Variants in TLE3 observed in about 807,000 individuals in gnomAD.
TLE3 encodes the protein transducin-like enhancer protein 3.
In TLE3, 14 loss-of-function variants were observed where a neutral mutation model predicts 93.0. The ratio of observed to expected loss-of-function variants is 0.15; its 90% confidence interval spans 0.10 to 0.24. The LOEUF is 0.24. TLE3 is among the 10% of genes least tolerant of loss of function. TLE3 has a pLI of 1.00. For missense variants in TLE3, 693 were observed against 1,046.6 expected (o/e 0.66, Z 4.66); for synonymous variants, 451 against 425.0 (o/e 1.06, Z -0.75).
chr15:70,065,849 G>A (rs1393612418), intron 7 of TLE3, 165 bp downstream of exon 7: 11 of 698,504 alleles, frequency 1.6e-5, no homozygotes, highest in Middle Eastern at 4.0e-4. Flanking sequence ...CATGGGATGC[G>A]GATGGCATTG....
Position 70,074,626 on chromosome 15 carries a change from G to A in TLE3, c.298-19C>T. 1.3e-6 allele frequency: 2 copies of A among 1,597,272 alleles called. No homozygotes were observed. Among genetic ancestry groups the A allele is most frequent in the South Asian group, 2.2e-5 (2 of 88,984 alleles). On this transcript the variant is annotated intron_variant, in intron 5 of 19. Coordinates refer to ENST00000451782, the MANE Select transcript of TLE3 (RefSeq NM_001105192.3). ...GCTGGTGCTGGAGGGAAGAGGGTGT[G>A]CGTTAGATGCAGCCACTTTCCTGGA...
In TLE3 at chr15:70,060,535, G is replaced by A; in HGVS notation, c.709C>T (p.Arg237Ter). 1 of 1,613,826 alleles carries A rather than the reference G, an allele frequency of 6.2e-7. No individual in the cohort carries two copies. The highest frequency in any genetic ancestry group is 8.5e-7 in the Non-Finnish European group (1 of 1,179,834). ...RKAEEKDSLS[R>*]YDSDGDKSDD... ...CCATGGCGCCTTGGACGTACGTATC[G>A]GCTCAAGCTGTCCTTCTCCTCCGCC... Residue 237 changes from arginine to a stop codon, truncating the protein, a stop_gained, in exon 9 of 20, where the codon CGA (arginine) becomes TGA (stop). Transcript: ENST00000451782. LOFTEE classifies it high-confidence loss of function.
chr15:70,078,454 C>G lies in TLE3; in HGVS notation c.235-2296G>C, dbSNP rs561730940. Among the ~76,000 whole-genome samples, 19 of 152,384 alleles carry G rather than the reference C, an allele frequency of 1.2e-4. No homozygotes were observed. The East Asian group carries it at 3.1e-3, about 25-fold the overall frequency. On this transcript the variant is annotated intron_variant, in intron 4 of 19. Coordinates refer to ENST00000451782, the MANE Select transcript of TLE3 (RefSeq NM_001105192.3). ...TTTAGGAAGCTCACAGGTCCAAGGC[C>G]TGTTATCTTAAACAACAATAGAGCA...
rs551018142 is a variant in TLE3 at position 70,079,862 on chromosome 15, GATGCCCAGCC to G, written c.235-3714_235-3705del. 8.2e-4 allele frequency among the ~76,000 whole-genome samples: 125 copies of G among 152,174 alleles called. 4 individuals carry two copies. The East Asian group carries it at 0.023, about 28-fold the overall frequency. ...TCTCCACTTTTCAGATGGGGAAACT[GATGCCCAGCC>G]ATTAAGTGATTTCACTAAATGACTT... On this transcript the variant is annotated intron_variant, in intron 4 of 19. Transcript: ENST00000451782.
At chr15:70,070,442 G>A (rs118133167) in intron 6 of TLE3, among the ~76,000 whole-genome samples, 1,969 of 152,242 alleles carry the variant, frequency 0.013, 11 homozygotes, top group Middle Eastern at 0.041. Flanking sequence ...GCCAAGACCC[G>A]CCAAGGGCTC....
intron 19 of TLE3, 44 bp downstream of exon 19, chr15:70,051,347 A>G: frequency 6.5e-7 from 1 of 1,539,684 alleles, no homozygotes; most frequent in Non-Finnish European, 8.8e-7. Flanking sequence ...CCAAGTTTCA[A>G]CTCTGGGTAG....
rs1390562330 is a variant in TLE3 at position 70,049,022 on chromosome 15, C to T, written c.*1075G>A. On this transcript the variant is annotated 3_prime_UTR_variant, in exon 20 of 20. Transcript: ENST00000451782. ...CAAATTAAAAAAAAAAAAAAAGCAC[C>T]CACATCAGTTGCTATTTTTCTCTGG... is the stretch of plus-strand genomic sequence containing the variant. 1 of 151,154 alleles carries T rather than the reference C, an allele frequency of 6.6e-6. No homozygotes were observed. The highest frequency in any genetic ancestry group is 2.4e-5 in the African/African-American group (1 of 41,180). The allele number at this position is 151,154 out of a possible 1,614,324, so 9.4% of individuals were successfully genotyped here.
chr15:70,060,854 G>A (rs1036137102), intron 8 of TLE3: 3 of 712,646 alleles, frequency 4.2e-6, no homozygotes, highest in South Asian at 1.5e-5. Flanking sequence ...CCGGGGAGAT[G>A]CCCTGGGCGC....
In TLE3 at chr15:70,053,392, G is replaced by A; in HGVS notation, c.1827-18C>T. ...GGAACTGCCTACGAAAGCCAAGCAG[G>A]GAGGAGGGTGAGTCCCGGGAACCAC... On this transcript the variant is annotated intron_variant, in intron 16 of 19. Transcript: ENST00000451782. 6.3e-7 allele frequency: 1 copy of A among 1,589,554 alleles called. No individual in the cohort carries two copies. Among genetic ancestry groups the A allele is most frequent in the Non-Finnish European group, 8.6e-7 (1 of 1,163,312 alleles).
At chr15:70,091,855 A>G (rs575148160) in intron 4 of TLE3, among the ~76,000 whole-genome samples, 2 of 152,286 alleles carry the variant, frequency 1.3e-5, no homozygotes, top group South Asian at 4.1e-4. Flanking sequence ...TAAAAAAAAT[A>G]TGTGGTGGTG....
In TLE3 at chr15:70,058,691, G is replaced by T; in HGVS notation, c.890C>A (p.Pro297His). Residue 297 changes from proline (P) to histidine (H), a missense_variant, in exon 11 of 20, where the codon CCT becomes CAT. Around this residue, in one of 4 missense-constraint regions of TLE3, gnomAD observed 405 missense variants for 468.9 expected, o/e 0.86. Coordinates refer to ENST00000451782, the MANE Select transcript of TLE3 (RefSeq NM_001105192.3). The surrounding 1 kb of genome is among the most constrained non-coding windows in gnomAD (Gnocchi z 4.1). ...PASVASSSST[P>H]SSKTKDLGHN... is the part of the protein sequence containing the mutation. ...ACCAAGGTCTTTGGTCTTGGAGGAA[G>T]GTGTGCTACTGGAAGAGGCCACCGA... The T allele has an allele frequency of 6.2e-7, 1 of 1,606,834 alleles. No individual in the cohort carries two copies. Among genetic ancestry groups the T allele is most frequent in the Non-Finnish European group, 8.5e-7 (1 of 1,176,670 alleles).
Position 70,097,568 on chromosome 15 carries a change from C to G in TLE3, c.-770G>C, listed in dbSNP as rs2058620647. 2.5e-6 allele frequency: 1 copy of G among 399,268 alleles called. No individual in the cohort carries two copies. The highest frequency in any genetic ancestry group is 4.4e-5 in the Admixed American group (1 of 22,720). 24.7% of individuals were successfully genotyped at this position (399,268 alleles called of 1,614,324 possible). A position where few individuals can be genotyped will look rare whatever the true frequency, so the allele number is the denominator to read the frequency against. ...TAAGTCCAGCGGGCACGGGAAGCCTCCGCAAAGGGTTCTCGCTGCTCCCAG... is the reference window on the plus strand; with the variant it reads ...TAAGTCCAGCGGGCACGGGAAGCCTGCGCAAAGGGTTCTCGCTGCTCCCAG... On this transcript the variant is annotated 5_prime_UTR_variant, in exon 1 of 20. Coordinates refer to ENST00000451782, the MANE Select transcript of TLE3 (RefSeq NM_001105192.3).
rs535319786 is a variant in TLE3 at position 70,089,100 on chromosome 15, C to T, written c.234+5432G>A. On this transcript the variant is annotated intron_variant, in intron 4 of 19. Transcript: ENST00000451782. Reference sequence around the variant, plus strand: ...GACGTGTGGCTTCTAGAACATATCTCACTGCCTTGCCGCGAGCTGTTGCCA... The same window carrying T: ...GACGTGTGGCTTCTAGAACATATCTTACTGCCTTGCCGCGAGCTGTTGCCA... 3.9e-5 allele frequency among the ~76,000 whole-genome samples: 6 copies of T among 152,370 alleles called. No homozygotes were observed. In the East Asian group the frequency reaches 1.2e-3, roughly 29 times the overall value.
rs566164732 is a variant in TLE3 at position 70,096,688 on chromosome 15, C to G, written c.24+87G>C. The G allele has an allele frequency of 4.8e-5, 76 of 1,573,222 alleles. 1 individual carries two copies. The African/African-American group carries it at 9.2e-4, about 19-fold the overall frequency. On this transcript the variant is annotated intron_variant, in intron 1 of 19. Coordinates refer to ENST00000451782, the MANE Select transcript of TLE3 (RefSeq NM_001105192.3). ...ACAAACACACACACCATAAAGGTAG[C>G]AACAAGCAAAATGGAGGTGCCAGAT...
intron 7 of TLE3, among the ~76,000 whole-genome samples, chr15:70,064,824 G>A (rs1334569522): frequency 6.6e-6 from 1 of 151,150 alleles, no homozygotes; most frequent in African/African-American, 2.4e-5. Context: ...TAGCAGGCTA[G>A]GGGTCTTAAG....
At chr15:70,095,164 T>G (rs1331867277) in intron 3 of TLE3, among the ~76,000 whole-genome samples, 1 of 152,172 alleles carries the variant, frequency 6.6e-6, no homozygotes, top group African/African-American at 2.4e-5. Flanking sequence ...AGATCCCAGC[T>G]GCAAAGCAGA....
At chr15:70,060,818 T>A in intron 8 of TLE3, 169 bp from the exon 9 acceptor site, 1 of 1,153,094 alleles carries the variant, frequency 8.7e-7, no homozygotes, top group Non-Finnish European at 1.2e-6. Context: ...CAGGGAAGCC[T>A]TCCCCACTCC....
In TLE3 at chr15:70,097,018, G is replaced by A; in HGVS notation, c.-220C>T. ...GAGCAGGCGGCAAAGTCGTCGGCGGGCGCCGGGGCCGGGCGGCGGGCGCGG... is the reference window on the plus strand; with the variant it reads ...GAGCAGGCGGCAAAGTCGTCGGCGGACGCCGGGGCCGGGCGGCGGGCGCGG... On this transcript the variant is annotated 5_prime_UTR_variant, in exon 1 of 20. Coordinates refer to ENST00000451782, the MANE Select transcript of TLE3 (RefSeq NM_001105192.3). 1 of 595,630 alleles carries A rather than the reference G, an allele frequency of 1.7e-6. No homozygotes were observed. Among genetic ancestry groups the A allele is most frequent in the Non-Finnish European group, 2.9e-6 (1 of 348,012 alleles). The allele number at this position is 595,630 out of a possible 1,614,324, so 36.9% of individuals were successfully genotyped here.
chr15:70,060,971 AC>A (rs1292715330), intron 8 of TLE3, among the ~76,000 whole-genome samples: 1 of 152,198 alleles, frequency 6.6e-6, no homozygotes, highest in Non-Finnish European at 1.5e-5. Context: ...GGCGAGGGTC[AC>A]CTGGGTCTCA....
Sources: gnomAD v4.1 joint callset for allele counts (sites outside exome capture counted in the v4.1 genomes callset) on GRCh38, gnomAD v4.1.1 for gene constraint, gnomAD v4.1.1 regional missense constraint, Gnocchi (gnomAD v3.1) non-coding constraint, MANE v1.5 for transcripts, NCBI Gene and HGNC (gene_info 2026-07-23, HGNC 2026-07-21) for gene names.